PDZD2: variants seen among roughly 807,000 people sequenced by gnomAD.
The protein encoded by PDZD2 is PDZ domain containing 2, also known as PDZ domain-containing protein 2.
PDZD2 carries 90 observed loss-of-function variants against 220.7 expected under a neutral mutation model. The ratio of observed to expected loss-of-function variants is 0.41; its 90% CI spans 0.34 to 0.49. The LOEUF (loss-of-function observed/expected upper bound fraction) is 0.49. PDZD2 is among the 20% of genes least tolerant of loss of function. PDZD2 has a pLI of 0.28. For synonymous variants in PDZD2, 1,375 were observed against 1,450.5 expected, an observed-to-expected ratio of 0.95 and a Z score of 1.18; for missense variants, 3,174 against 3,608.5, an observed-to-expected ratio of 0.88 and a Z score of 3.08.
chr5:31,673,637 C>T (rs546345649), intron 1 of PDZD2, among the ~76,000 whole-genome samples: 3 of 152,178 alleles, frequency 2.0e-5, no homozygotes, highest in South Asian at 2.1e-4. Context: ...AATTAGGTCT[C>T]GAAGATAGAG....
Position 32,074,168 on chromosome 5 carries a change from C to A in PDZD2, c.3062C>A (p.Pro1021His). The change falls in exon 18 of 25, where the codon CCC (proline) becomes CAC (histidine). Residue 1021 changes from proline (P) to histidine (H), a missense_variant. Coordinates refer to ENST00000438447, the MANE Select transcript of PDZD2 (RefSeq NM_178140.4). ...GACGTCCACAACCAAGAGGAACGAC[C>A]CCGGAAAACACTGGTGAGCAAGGCC... Reference protein sequence around the residue: ...GMDVHNQEERPRKTLVSKAIS... With the variant: ...GMDVHNQEERHRKTLVSKAIS... 1.2e-6 allele frequency: 2 copies of A among 1,614,170 alleles called. No homozygotes were observed. Among genetic ancestry groups the A allele is most frequent in the Non-Finnish European group, 1.7e-6 (2 of 1,180,032 alleles).
chr5:32,093,198 C>A (rs1226079693), intron 21 of PDZD2, among the ~76,000 whole-genome samples, 174 bp downstream of exon 21: 3 of 152,184 alleles, frequency 2.0e-5, no homozygotes, highest in African/African-American at 7.2e-5. Flanking sequence ...TGCTGCTAGC[C>A]AGCTTCAGAA....
intron 1 of PDZD2, among the ~76,000 whole-genome samples, chr5:31,767,027 CTTT>C (rs3032828): frequency 1.6e-4 from 15 of 94,284 alleles, no homozygotes; most frequent in Admixed American, 2.7e-4. Context: ...TGCACCCAGC[CTTT>C]TTTTTTTTTT....
chr5:31,740,808 T>A (rs1750213899), intron 1 of PDZD2, among the ~76,000 whole-genome samples: 1 of 152,176 alleles, frequency 6.6e-6, no homozygotes, highest in Non-Finnish European at 1.5e-5. Flanking sequence ...CATTGTTTCA[T>A]CCCTTCTTAA....
intron 1 of PDZD2, among the ~76,000 whole-genome samples, chr5:31,671,597 C>T (rs4867363): frequency 0.043 from 6,563 of 152,278 alleles, 193 homozygotes; most frequent in East Asian, 0.08. Context: ...TGCGGCCCTC[C>T]TTCACATTCA....
intron 14 of PDZD2, among the ~76,000 whole-genome samples, chr5:32,062,154 C>G (rs1460921172): frequency 6.6e-6 from 1 of 152,102 alleles, no homozygotes; most frequent in Non-Finnish European, 1.5e-5. Flanking sequence ...AGAAAAATAC[C>G]TGTTTATCTT....
intron 1 of PDZD2, among the ~76,000 whole-genome samples, chr5:31,659,574 T>C (rs1218380279): frequency 6.6e-6 from 1 of 151,990 alleles, no homozygotes; most frequent in Non-Finnish European, 1.5e-5. Context: ...CCCTCACCTC[T>C]CTATGGCTCT....
Position 31,765,904 on chromosome 5 carries a change from G to C in PDZD2, c.-360-32985G>C, listed in dbSNP as rs558143045. 9.2e-4 allele frequency among the ~76,000 whole-genome samples: 140 copies of C among 152,314 alleles called. 6 individuals carry two copies. In the South Asian group the frequency reaches 0.028, roughly 31 times the overall value. On this transcript the variant is annotated intron_variant, in intron 1 of 24. Coordinates refer to ENST00000438447, the MANE Select transcript of PDZD2 (RefSeq NM_178140.4). Reference sequence around the variant, plus strand: ...TAAGATTCTGAGACCAGGCGTGGTGGCTCATGCTTGTAATCCTAGCACTTT... The same window carrying C: ...TAAGATTCTGAGACCAGGCGTGGTGCCTCATGCTTGTAATCCTAGCACTTT...
intron 1 of PDZD2, among the ~76,000 whole-genome samples, chr5:31,676,485 G>A (rs1470590520): frequency 3.3e-5 from 5 of 152,056 alleles, no homozygotes; most frequent in Non-Finnish European, 5.9e-5. Context: ...ATTGTGGGGA[G>A]GGCAGGAAGA....
rs1359750345 is a variant in PDZD2 at position 31,876,379 on chromosome 5, G to A, written c.476+76655G>A. Among the ~76,000 whole-genome samples the A allele has an allele frequency of 1.3e-5, 2 of 151,004 alleles. 1 individual carries two copies. Among genetic ancestry groups the A allele is most frequent in the Middle Eastern group, 6.8e-3 (2 of 292 alleles). The stretch of plus-strand genomic sequence containing the variant: ...GTGATTTCAGCTCATTGCAACCTCT[G>A]CCTCTTGGGTTCAAGCGACTCTCCT... On this transcript the variant is annotated intron_variant, in intron 2 of 24. Coordinates refer to ENST00000438447, the MANE Select transcript of PDZD2 (RefSeq NM_178140.4).
chr5:31,762,708 T>G (rs987222653), intron 1 of PDZD2, among the ~76,000 whole-genome samples: 5 of 152,218 alleles, frequency 3.3e-5, no homozygotes, highest in African/African-American at 1.2e-4. Flanking sequence ...ATGGCGGCTG[T>G]TGAGTACAGT....
intron 19 of PDZD2, 84 bp downstream of exon 19, chr5:32,077,690 C>T: frequency 1.4e-6 from 2 of 1,386,696 alleles, no homozygotes; most frequent in Non-Finnish European, 2.0e-6. Flanking sequence ...GGCGCAGTGG[C>T]TTACACCTGT....
rs563635399 is a variant in PDZD2, at chr5:31,666,904, C to A, written c.-361+27467C>A. Among the ~76,000 whole-genome samples the A allele has an allele frequency of 1.6e-4, 25 of 152,236 alleles. No homozygotes were observed. In the South Asian group the frequency reaches 5.2e-3, roughly 32 times the overall value. On this transcript the variant is annotated intron_variant, in intron 1 of 24. Transcript: ENST00000438447. ...GTTTCTTGTGACTTCTTAGCCCAAG[C>A]CCAAACATTCACTCATTCACCAAAT... is the stretch of plus-strand genomic sequence containing the variant.
intron 2 of PDZD2, among the ~76,000 whole-genome samples, chr5:31,947,778 C>T (rs1746777147): frequency 6.6e-6 from 1 of 152,116 alleles, no homozygotes. Flanking sequence ...GTTGGCACCA[C>T]TGCATTCCAG....
intron 1 of PDZD2, among the ~76,000 whole-genome samples, chr5:31,664,253 T>G (rs1182475313): frequency 6.6e-6 from 1 of 152,194 alleles, no homozygotes; most frequent in South Asian, 2.1e-4. Context: ...TCCTCCCACC[T>G]CAGCCTCCTG....
At chr5:32,030,283 A>G (rs1410052638) in intron 6 of PDZD2, among the ~76,000 whole-genome samples, 7 of 152,228 alleles carry the variant, frequency 4.6e-5, no homozygotes, top group Admixed American at 4.6e-4. Context: ...CCGCAGATTC[A>G]TGATCCAGAC....
Position 31,798,937 on chromosome 5 carries a change from T to C in PDZD2, c.-312T>C, listed in dbSNP as rs1042717831. ...CACACGGCCACTGCTGGAGGGATCCTCCATTCCTGTGTCATTTGCATGGGT... is the reference window on the plus strand; with the variant it reads ...CACACGGCCACTGCTGGAGGGATCCCCCATTCCTGTGTCATTTGCATGGGT... On this transcript the variant is annotated 5_prime_UTR_variant, in exon 2 of 25. Coordinates refer to ENST00000438447, the MANE Select transcript of PDZD2 (RefSeq NM_178140.4). The C allele has an allele frequency of 2.5e-6, 1 of 393,080 alleles. No individual in the cohort carries two copies. Among genetic ancestry groups the C allele is most frequent in the Non-Finnish European group, 4.6e-6 (1 of 217,854 alleles). 24.3% of individuals were successfully genotyped at this position (393,080 alleles called of 1,614,324 possible).
chr5:32,057,551 G>A, intron 10 of PDZD2, 104 bp from the exon 11 acceptor site: 1 of 701,426 alleles, frequency 1.4e-6, no homozygotes, highest in Non-Finnish European at 2.6e-6. Context: ...TTATGTGGTA[G>A]TAAATCAGGG....
At chr5:31,731,631 C>G (rs775368721) in intron 1 of PDZD2, among the ~76,000 whole-genome samples, 1 of 152,158 alleles carries the variant, frequency 6.6e-6, no homozygotes, top group African/African-American at 2.4e-5. Context: ...TGGCTTCTTA[C>G]GCTTAGCATA....
Sources: allele counts gnomAD v4.1 joint callset (sites outside exome capture counted in the v4.1 genomes callset), GRCh38; gene constraint gnomAD v4.1.1; transcripts MANE v1.5; gene names NCBI Gene and HGNC (gene_info 2026-07-23, HGNC 2026-07-21).